Variants in DLGAP2 observed in about 807,000 individuals in gnomAD.
DLGAP2 encodes DLG associated protein 2, also known as disks large-associated protein 2.
A neutral mutation model predicts 100.3 loss-of-function variants in DLGAP2; 26 were observed. The ratio of observed to expected loss-of-function variants is 0.26; its 90% CI spans 0.19 to 0.36. The LOEUF is 0.36. Ranked by LOEUF, DLGAP2 falls within the 10% of genes least tolerant of loss-of-function variation. DLGAP2 has a pLI of 1.00. For synonymous variants in DLGAP2, 886 were observed against 630.1 expected, an observed-to-expected ratio of 1.41 and a Z score of -6.08; for missense variants, 1,858 against 1,453.2, an observed-to-expected ratio of 1.28 and a Z score of -4.53.
chr8:1,061,674 C>T (rs756109639), intron 2 of DLGAP2, among the ~76,000 whole-genome samples: 2 of 151,910 alleles, frequency 1.3e-5, no homozygotes, highest in African/African-American at 4.8e-5. Context: ...TCCAGGGAGC[C>T]GGGGCCCAGG....
chr8:1,626,076 G>T (rs1585009307), intron 6 of DLGAP2, among the ~76,000 whole-genome samples: 1 of 132,112 alleles, frequency 7.6e-6, no homozygotes. Flanking sequence ...TCTCTGGCCT[G>T]TGGCGGGTGC....
intron 1 of DLGAP2, among the ~76,000 whole-genome samples, chr8:810,600 G>T (rs1796352860): frequency 6.6e-6 from 1 of 152,056 alleles, no homozygotes; most frequent in African/African-American, 2.4e-5. Context: ...TTTAACCATT[G>T]TTTACTAAAT....
intron 1 of DLGAP2, among the ~76,000 whole-genome samples, chr8:811,165 C>T (rs966520613): frequency 2.6e-5 from 4 of 152,358 alleles, no homozygotes; most frequent in African/African-American, 7.2e-5. Context: ...CGCCTGTGGG[C>T]GCGAGCAAGT....
chr8:1,594,984 C>A (rs763483273), intron 6 of DLGAP2, among the ~76,000 whole-genome samples: 1 of 152,110 alleles, frequency 6.6e-6, no homozygotes, highest in Non-Finnish European at 1.5e-5. Context: ...CCTCCCGCTT[C>A]CCATCTTGAA....
At chr8:944,962 C>G (rs1799283380) in intron 2 of DLGAP2, among the ~76,000 whole-genome samples, 1 of 152,154 alleles carries the variant, frequency 6.6e-6, no homozygotes, top group East Asian at 1.9e-4. Context: ...AACTGATTTT[C>G]CTAGTGATCT....
chr8:1,511,648 T>C (rs1800167249), intron 4 of DLGAP2, among the ~76,000 whole-genome samples: 1 of 151,460 alleles, frequency 6.6e-6, no homozygotes, highest in African/African-American at 2.4e-5. Context: ...GATGACCATC[T>C]TCCATGGACG....
At chr8:804,962 G>C (rs950649008) in intron 1 of DLGAP2, among the ~76,000 whole-genome samples, 1 of 151,952 alleles carries the variant, frequency 6.6e-6, no homozygotes, top group Non-Finnish European at 1.5e-5. Flanking sequence ...GTAGAGACGA[G>C]GTCTCCCTAT....
intron 10 of DLGAP2, among the ~76,000 whole-genome samples, chr8:1,670,959 G>T (rs1233456238): frequency 6.6e-6 from 1 of 152,234 alleles, no homozygotes; most frequent in Non-Finnish European, 1.5e-5. Flanking sequence ...AGGGCAGGAG[G>T]TGACAGGCTG....
intron 4 of DLGAP2, among the ~76,000 whole-genome samples, chr8:1,502,093 C>G (rs1022007991): frequency 1.3e-5 from 2 of 152,216 alleles, no homozygotes; most frequent in African/African-American, 4.8e-5. Flanking sequence ...TGAATAAAAT[C>G]AACGTCAAAC....
intron 3 of DLGAP2, among the ~76,000 whole-genome samples, chr8:1,426,714 C>T (rs886110541): frequency 2.6e-5 from 4 of 152,112 alleles, no homozygotes; most frequent in Admixed American, 6.5e-5. Flanking sequence ...ATAGATTCTT[C>T]GTTAGTAAAA....
At chr8:769,576 G>A (rs1288765634) in intron 1 of DLGAP2, among the ~76,000 whole-genome samples, 2 of 152,132 alleles carry the variant, frequency 1.3e-5, no homozygotes, top group Non-Finnish European at 2.9e-5. Context: ...GAAGTAAACT[G>A]GGCTAATTTA....
chr8:1,133,351 A>G (rs933845287), intron 2 of DLGAP2, among the ~76,000 whole-genome samples: 6 of 152,190 alleles, frequency 3.9e-5, no homozygotes, highest in Admixed American at 2.6e-4. Flanking sequence ...ATCAAAAATA[A>G]ATTCATCTTT....
At chr8:1,562,776 G>C (rs1412950234) in intron 5 of DLGAP2, among the ~76,000 whole-genome samples, 1 of 29,106 alleles carries the variant, frequency 3.4e-5, no homozygotes, top group African/African-American at 1.4e-4. Context: ...GTTACTGGGG[G>C]ACTGTGTGGT....
chr8:1,577,884 G>A (rs144672043), intron 6 of DLGAP2, among the ~76,000 whole-genome samples: 233 of 152,312 alleles, frequency 1.5e-3, no homozygotes, highest in African/African-American at 5.2e-3. Context: ...AGCCCCGCCC[G>A]GTGCCTCCGA....
intron 1 of DLGAP2, among the ~76,000 whole-genome samples, chr8:770,316 C>T (rs1478435092): frequency 6.6e-6 from 1 of 152,128 alleles, no homozygotes; most frequent in Non-Finnish European, 1.5e-5. Context: ...CTTGCTCCTC[C>T]TCCGTGTCCT....
chr8:1,341,252 T>C (rs1801409523), intron 3 of DLGAP2, among the ~76,000 whole-genome samples: 1 of 152,158 alleles, frequency 6.6e-6, no homozygotes, highest in Admixed American at 6.5e-5. Context: ...AAAAATGAGA[T>C]ACATATCAAA....
chr8:822,293 A>T (rs565583998), intron 1 of DLGAP2: 18 of 398,550 alleles, frequency 4.5e-5, no homozygotes, highest in Non-Finnish European at 7.1e-5. Flanking sequence ...CCACCCGGGG[A>T]GGGGCACAGG....
chr8:1,370,118 A>G (rs1382931415), intron 3 of DLGAP2, among the ~76,000 whole-genome samples: 2 of 152,132 alleles, frequency 1.3e-5, no homozygotes, highest in Non-Finnish European at 2.9e-5. Flanking sequence ...GTCTTCGGAT[A>G]TTTATGACAA....
At position 943,909 on chromosome 8, in the gene DLGAP2, T is replaced by C. The variant is rs1010189466; in HGVS notation, c.73+35943T>C. Reference sequence around the variant, plus strand: ...ATCCAGAATTCCAGGAAGTCAACCTTAATCTCTCATAGATAAGATTTGAAT... The same window carrying C: ...ATCCAGAATTCCAGGAAGTCAACCTCAATCTCTCATAGATAAGATTTGAAT... On this transcript the variant is annotated intron_variant, in intron 2 of 14. Coordinates refer to ENST00000637795, the MANE Select transcript of DLGAP2 (RefSeq NM_001346810.2). Among the ~76,000 whole-genome samples, 5 of 152,378 alleles carry C rather than the reference T, an allele frequency of 3.3e-5. No homozygotes were observed. The South Asian group carries it at 6.2e-4, about 19-fold the overall frequency.
Sources: allele counts gnomAD v4.1 joint callset (sites outside exome capture counted in the v4.1 genomes callset), GRCh38; gene constraint gnomAD v4.1.1; transcripts MANE v1.5; gene names NCBI Gene and HGNC (gene_info 2026-07-23, HGNC 2026-07-21).